Variants in RPTOR observed in about 807,000 individuals in gnomAD.
RPTOR encodes the protein regulatory-associated protein of mTOR.
In RPTOR, 21 loss-of-function variants were observed where a neutral mutation model predicts 169.9. The observed-to-expected ratio is 0.12, with a 90% CI of 0.09 to 0.18. The LOEUF is 0.18. RPTOR is among the 10% of genes least tolerant of loss of function. The probability of loss-of-function intolerance (pLI) is 1.00; values close to 1 mark genes in which losing one functional copy is unlikely to be tolerated. For synonymous variants in RPTOR, 732 were observed against 753.2 expected (o/e 0.97, Z 0.46); for missense variants, 1,133 against 1,855.9 (o/e 0.61, Z 7.16).
intron 11 of RPTOR, among the ~76,000 whole-genome samples, chr17:80,853,404 G>C (rs531637178): frequency 6.6e-6 from 1 of 152,156 alleles, no homozygotes; most frequent in African/African-American, 2.4e-5. Flanking sequence ...GGCCTGCAGC[G>C]AGGCCAGGTC....
intron 1 of RPTOR, among the ~76,000 whole-genome samples, chr17:80,546,091 A>C (rs989748266): frequency 6.6e-6 from 1 of 152,246 alleles, no homozygotes; most frequent in Non-Finnish European, 1.5e-5. Flanking sequence ...GCTCTTTGGC[A>C]TACTACTTAG....
intron 11 of RPTOR, among the ~76,000 whole-genome samples, chr17:80,847,153 G>A (rs750443500): frequency 6.6e-6 from 1 of 152,268 alleles, no homozygotes; most frequent in Non-Finnish European, 1.5e-5. Context: ...CCTTGCACGG[G>A]GCTGTCACAG....
rs887774681 is a variant in RPTOR, at chr17:80,845,218, G to C, written c.1213-1255G>C. Among the ~76,000 whole-genome samples the C allele has an allele frequency of 1.3e-5, 2 of 152,114 alleles. No homozygotes were observed. The highest frequency in any genetic ancestry group is 4.8e-5 in the African/African-American group (2 of 41,438). The stretch of plus-strand genomic sequence containing the variant: ...GCGAATCCCCCTCCACTCTGTGCCT[G>C]CACTCACGTGGCTGGGCTAACTGGG... On this transcript the variant is annotated intron_variant, in intron 10 of 33. Coordinates refer to ENST00000306801, the MANE Select transcript of RPTOR (RefSeq NM_020761.3). The surrounding 1 kb of genome is among the most constrained non-coding windows in gnomAD (Gnocchi z 5.4).
rs193171713 is a variant in RPTOR at position 80,910,329 on chromosome 17, A to G, written c.2520+1400A>G. Among the ~76,000 whole-genome samples the G allele has an allele frequency of 2.1e-3, 317 of 152,262 alleles. 2 individuals carry two copies. Among genetic ancestry groups the G allele is most frequent in the African/African-American group, 7.1e-3 (296 of 41,546 alleles). On this transcript the variant is annotated intron_variant, in intron 21 of 33. Coordinates refer to ENST00000306801, the MANE Select transcript of RPTOR (RefSeq NM_020761.3). ...ACCCAGCACCCAGTGTCCAAAAACA[A>G]TTGTTTACGGTATTTGTCCTGGTTT... is the stretch of plus-strand genomic sequence containing the variant.
chr17:80,817,882 T>C (rs1567961), intron 7 of RPTOR, among the ~76,000 whole-genome samples: 54,181 of 151,982 alleles, frequency 0.36, 9,978 homozygotes, highest in Middle Eastern at 0.43. Context: ...GTTGCACAAA[T>C]GGGGTGTGGA....
At chr17:80,832,065 A>T (rs1298441928) in intron 9 of RPTOR, among the ~76,000 whole-genome samples, 1 of 152,202 alleles carries the variant, frequency 6.6e-6, no homozygotes, top group Non-Finnish European at 1.5e-5. Flanking sequence ...AGCCAGGTGG[A>T]TACGGAGGGC....
At chr17:80,632,216 A>T (rs964730880) in intron 2 of RPTOR, among the ~76,000 whole-genome samples, 4 of 152,104 alleles carry the variant, frequency 2.6e-5, no homozygotes, top group Non-Finnish European at 5.9e-5. Flanking sequence ...TTTCCACTTC[A>T]TCCGTCCCTC....
At position 80,932,627 on chromosome 17, in the gene RPTOR, A is replaced by G. The variant is rs2068911673; in HGVS notation, c.2919+7147A>G. 4.6e-5 allele frequency among the ~76,000 whole-genome samples: 7 copies of G among 152,318 alleles called. No individual in the cohort carries two copies. The South Asian group carries it at 1.4e-3, about 32-fold the overall frequency. Reference sequence around the variant, plus strand: ...GTGACCTCAAATAGCCAAGGAAAAAAATCAGTGAATTTAAAGACAGGTCTA... The same window carrying G: ...GTGACCTCAAATAGCCAAGGAAAAAGATCAGTGAATTTAAAGACAGGTCTA... On this transcript the variant is annotated intron_variant, in intron 24 of 33. Transcript: ENST00000306801.
At chr17:80,595,511 G>A (rs921005486) in intron 1 of RPTOR, among the ~76,000 whole-genome samples, 3 of 152,162 alleles carry the variant, frequency 2.0e-5, no homozygotes, top group Admixed American at 1.3e-4. Context: ...GCTAGAGTGC[G>A]GTGGCATGAT....
chr17:80,864,618 C>T (rs1375409278), intron 13 of RPTOR, among the ~76,000 whole-genome samples: 1 of 151,200 alleles, frequency 6.6e-6, no homozygotes, highest in Admixed American at 6.6e-5. Context: ...TTATCCCCGG[C>T]AGATCCACAC....
intron 6 of RPTOR, among the ~76,000 whole-genome samples, chr17:80,777,729 T>C (rs972178748): frequency 6.6e-6 from 1 of 152,258 alleles, no homozygotes; most frequent in African/African-American, 2.4e-5. Flanking sequence ...TTTATAGCTT[T>C]AGCTGTTACG....
At chr17:80,565,309 T>C (rs984116518) in intron 1 of RPTOR, among the ~76,000 whole-genome samples, 4 of 152,178 alleles carry the variant, frequency 2.6e-5, no homozygotes, top group African/African-American at 9.7e-5. Context: ...CATCAATGAC[T>C]TTGTGAGGTT....
chr17:80,966,193 A>G lies in RPTOR; in HGVS notation c.*1863A>G, dbSNP rs971087699. ...TGCCGCCTGCACGTGGGCTGTCTTC[A>G]CAGGTCTGATGTGAAAATTCAATCA... is the stretch of plus-strand genomic sequence containing the variant. On this transcript the variant is annotated 3_prime_UTR_variant, in exon 34 of 34. Coordinates refer to ENST00000306801, the MANE Select transcript of RPTOR (RefSeq NM_020761.3). 2 of 195,562 alleles carry G rather than the reference A, an allele frequency of 1.0e-5. No homozygotes were observed. The highest frequency in any genetic ancestry group is 2.5e-5 in the African/African-American group (1 of 40,028). The allele number at this position is 195,562 out of a possible 1,614,324, so 12.1% of individuals were successfully genotyped here. A position where few individuals can be genotyped will look rare whatever the true frequency, so the allele number is the denominator to read the frequency against.
intron 28 of RPTOR, among the ~76,000 whole-genome samples, chr17:80,953,538 A>C (rs11867504): frequency 0.013 from 1,969 of 152,344 alleles, 47 homozygotes; most frequent in African/African-American, 0.043. Context: ...GTGGGGCCTC[A>C]GGGCCTCCTG....
chr17:80,827,026 G>T (rs1476808190), intron 9 of RPTOR, among the ~76,000 whole-genome samples: 2 of 152,242 alleles, frequency 1.3e-5, no homozygotes, highest in African/African-American at 4.8e-5. Context: ...GAAGGAAGAG[G>T]CGAGCAGGAG....
At chr17:80,950,831 C>G (rs539299939) in intron 28 of RPTOR, among the ~76,000 whole-genome samples, 2 of 152,358 alleles carry the variant, frequency 1.3e-5, no homozygotes, top group East Asian at 3.9e-4. Context: ...GGAAAGATCA[C>G]TGTTTGATAG....
In RPTOR at chr17:80,635,684, G is replaced by A. The variant is rs377580649; in HGVS notation, c.266-8044G>A. Among the ~76,000 whole-genome samples, 7 of 152,286 alleles carry A rather than the reference G, an allele frequency of 4.6e-5. No individual in the cohort carries two copies. In the South Asian group the frequency reaches 1.0e-3, roughly 23 times the overall value. ...ATCGGGCAGAGGCAGGGCCCTGAGG[G>A]TGCAGAGAGGGGTGCCAAAGAGGAG... On this transcript the variant is annotated intron_variant, in intron 2 of 33. Transcript: ENST00000306801.
rs900155152 is a variant in RPTOR at position 80,945,716 on chromosome 17, C to G, written c.3075C>G (p.Val1025=). 1.2e-6 allele frequency: 2 copies of G among 1,612,084 alleles called. No individual in the cohort carries two copies. Among genetic ancestry groups the G allele is most frequent in the Non-Finnish European group, 1.7e-6 (2 of 1,179,282 alleles). The change falls in exon 26 of 34, where the codon GTC becomes GTG. Residue 1025 remains valine (V), a synonymous_variant. Transcript: ENST00000306801. ...TATTTCTGAACAGGAACCCCGGCGT[C>G]CCCTCTGTGGTGAAATTCCACCCCT... ...DQIFLNRNPG[V]PSVVKFHPFT...
intron 1 of RPTOR, among the ~76,000 whole-genome samples, chr17:80,608,461 AG>A (rs1321030419): frequency 6.6e-6 from 1 of 152,180 alleles, no homozygotes; most frequent in Non-Finnish European, 1.5e-5. Flanking sequence ...ATCTCATTAG[AG>A]GTTTGTCACC....
Sources: gnomAD v4.1 joint callset for allele counts (sites outside exome capture counted in the v4.1 genomes callset) on GRCh38, gnomAD v4.1.1 for gene constraint, Gnocchi (gnomAD v3.1) non-coding constraint, MANE v1.5 for transcripts, NCBI Gene and HGNC (gene_info 2026-07-23, HGNC 2026-07-21) for gene names.